DACH1: variants seen among roughly 807,000 people sequenced by gnomAD.
The protein encoded by DACH1 is dachshund homolog 1.
A neutral mutation model predicts 54.2 loss-of-function variants in DACH1; 12 were observed. The ratio of observed to expected loss-of-function variants is 0.22; its 90% CI spans 0.14 to 0.36. The LOEUF is 0.36. Among genes scored for constraint, DACH1 ranks in the 10% least tolerant of loss-of-function variants. DACH1 has a pLI of 1.00. For missense variants in DACH1, 805 were observed against 929.8 expected (o/e 0.87, Z 1.75); for synonymous variants, 386 against 366.2 (o/e 1.05, Z -0.62).
At chr13:71,529,183 G>GTTT (rs10707603) in intron 6 of DACH1, among the ~76,000 whole-genome samples, 3 of 80,978 alleles carry the variant, frequency 3.7e-5, no homozygotes, top group African/African-American at 1.3e-4. Context: ...TGTGATTTGG[G>GTTT]TTTTTTTTTT....
chr13:71,811,341 T>C (rs112240893), intron 1 of DACH1, among the ~76,000 whole-genome samples: 3 of 152,188 alleles, frequency 2.0e-5, no homozygotes, highest in African/African-American at 4.8e-5. Context: ...ATAAAATGTA[T>C]GTTCCATATT....
chr13:71,816,090 A>AAAT (rs1555326355), intron 1 of DACH1, among the ~76,000 whole-genome samples: 65 of 152,258 alleles, frequency 4.3e-4, no homozygotes, highest in African/African-American at 1.5e-3. Context: ...GTCTCCAAAA[A>AAAT]AAAATAAAAT....
chr13:71,741,352 C>A (rs1444854307), intron 1 of DACH1, among the ~76,000 whole-genome samples: 4 of 152,200 alleles, frequency 2.6e-5, no homozygotes, highest in African/African-American at 9.6e-5. Context: ...TAAGGACAGG[C>A]TGGCATAAAA....
intron 3 of DACH1, among the ~76,000 whole-genome samples, chr13:71,620,721 A>T (rs1004163894): frequency 3.9e-5 from 6 of 152,010 alleles, no homozygotes; most frequent in African/African-American, 1.4e-4. Flanking sequence ...TTCTGAAAAA[A>T]ATCTAAGTAA....
intron 6 of DACH1, among the ~76,000 whole-genome samples, chr13:71,533,075 C>T (rs1246046856): frequency 1.3e-5 from 2 of 150,854 alleles, no homozygotes; most frequent in Non-Finnish European, 3.0e-5. Flanking sequence ...AATAACTGGT[C>T]AGGAAAATTG....
At chr13:71,641,969 C>G (rs1877938392) in intron 2 of DACH1, among the ~76,000 whole-genome samples, 1 of 152,166 alleles carries the variant, frequency 6.6e-6, no homozygotes, top group Admixed American at 6.5e-5. Flanking sequence ...TTATTCACTT[C>G]TCTTTTTGCT....
At chr13:71,819,155 C>T (rs574785325) in intron 1 of DACH1, among the ~76,000 whole-genome samples, 3 of 152,278 alleles carry the variant, frequency 2.0e-5, no homozygotes, top group Admixed American at 2.0e-4. Flanking sequence ...ATAGGAAAGT[C>T]TCCCTGCAAG....
chr13:71,757,399 T>C (rs746782937), intron 1 of DACH1, among the ~76,000 whole-genome samples: 1 of 152,156 alleles, frequency 6.6e-6, no homozygotes. Flanking sequence ...AGAGTCTTTG[T>C]TGTCTAACCT....
chr13:71,475,148 T>C lies in DACH1; in HGVS notation c.2076A>G (p.Thr692=). 1 of 1,613,956 alleles carries C rather than the reference T, an allele frequency of 6.2e-7. No homozygotes were observed. Among genetic ancestry groups the C allele is most frequent in the Non-Finnish European group, 8.5e-7 (1 of 1,179,836 alleles). Residue 692 remains threonine (T), a synonymous_variant, in exon 10 of 11, where the codon ACA becomes ACG. Coordinates refer to ENST00000613252, the MANE Select transcript of DACH1 (RefSeq NM_080759.6). The part of the protein sequence containing the change: ...RSGGRTDAER[T]IQDGRLYLKT... ...CCTTCTGCAAATTCCTACCTTGTAT[T>C]GTCCTTTCAGCATCTGTTCTGCCGC...
chr13:71,703,611 C>T (rs539074800), intron 1 of DACH1, among the ~76,000 whole-genome samples: 2 of 152,296 alleles, frequency 1.3e-5, no homozygotes, highest in Admixed American at 6.5e-5. Context: ...CATATGTATG[C>T]TAGAGCTCAA....
intron 1 of DACH1, among the ~76,000 whole-genome samples, chr13:71,777,151 A>G (rs1031086050): frequency 6.6e-6 from 1 of 152,116 alleles, no homozygotes; most frequent in Non-Finnish European, 1.5e-5. Flanking sequence ...TTAAAATGGT[A>G]AAGGGGAGCT....
At chr13:71,620,600 A>AT (rs1876157989) in intron 3 of DACH1, among the ~76,000 whole-genome samples, 1 of 152,006 alleles carries the variant, frequency 6.6e-6, no homozygotes, top group African/African-American at 2.4e-5. Context: ...ATTATATTAA[A>AT]TAATGTCATA....
intron 7 of DACH1, among the ~76,000 whole-genome samples, chr13:71,486,315 A>T (rs1231661399): frequency 6.6e-6 from 1 of 152,142 alleles, no homozygotes; most frequent in Non-Finnish European, 1.5e-5. Flanking sequence ...CCATTTTGGC[A>T]TAGAAAGCAC....
chr13:71,490,038 C>T (rs77673628), intron 6 of DACH1, among the ~76,000 whole-genome samples: 4,420 of 152,058 alleles, frequency 0.029, 203 homozygotes, highest in African/African-American at 0.097. Flanking sequence ...ATACAAGTTA[C>T]GGCTTATTTT....
chr13:71,732,883 A>C (rs1324846409), intron 1 of DACH1, among the ~76,000 whole-genome samples: 1 of 152,104 alleles, frequency 6.6e-6, no homozygotes, highest in Non-Finnish European at 1.5e-5. Flanking sequence ...TTAGCATGAC[A>C]CTGGAATGTC....
intron 3 of DACH1, among the ~76,000 whole-genome samples, chr13:71,629,328 C>A (rs982223830): frequency 6.6e-6 from 1 of 152,000 alleles, no homozygotes; most frequent in Admixed American, 6.6e-5. Flanking sequence ...TCTTTTCATC[C>A]GTCTAGGAAC....
At chr13:71,748,942 T>G (rs201689322) in intron 1 of DACH1, among the ~76,000 whole-genome samples, 5 of 49,446 alleles carry the variant, frequency 1.0e-4, no homozygotes, top group Non-Finnish European at 2.6e-4. Context: ...CTTTCTTTCT[T>G]TCTTTCTTTC....
intron 1 of DACH1, among the ~76,000 whole-genome samples, chr13:71,855,835 G>C (rs113146558): frequency 6.6e-6 from 1 of 151,792 alleles, no homozygotes; most frequent in South Asian, 2.1e-4. Context: ...ACAAGGAAAA[G>C]GTCCTAAAAA....
chr13:71,803,281 A>T (rs903161601), intron 1 of DACH1, among the ~76,000 whole-genome samples: 11 of 152,146 alleles, frequency 7.2e-5, no homozygotes, highest in Admixed American at 2.0e-4. Flanking sequence ...CAATTTCATT[A>T]CACAACTAGA....
Sources: gnomAD v4.1 joint callset for allele counts (sites outside exome capture counted in the v4.1 genomes callset) on GRCh38, gnomAD v4.1.1 for gene constraint, MANE v1.5 for transcripts, NCBI Gene and HGNC (gene_info 2026-07-23, HGNC 2026-07-21) for gene names.